SH3RF3: variants seen among roughly 807,000 people sequenced by gnomAD.
SH3RF3 encodes SH3 domain containing ring finger 3.
SH3RF3 carries 29 observed loss-of-function variants against 66.3 expected under a neutral mutation model. That is an observed-to-expected ratio of 0.44 (90% confidence interval 0.33 to 0.60). The LOEUF (loss-of-function observed/expected upper bound fraction) is 0.60, where lower values mean the gene tolerates loss of function less well. Among genes scored for constraint, SH3RF3 ranks in the 20% least tolerant of loss-of-function variants. The pLI is 0.04. For missense variants in SH3RF3, 1,194 were observed against 1,190.9 expected, an observed-to-expected ratio of 1.00 and a Z score of -0.04; for synonymous variants, 583 against 532.0, an observed-to-expected ratio of 1.10 and a Z score of -1.32.
intron 1 of SH3RF3, among the ~76,000 whole-genome samples, chr2:109,131,030 A>G (rs948888367): frequency 6.6e-6 from 1 of 152,192 alleles, no homozygotes; most frequent in Non-Finnish European, 1.5e-5. Context: ...TACATTATCT[A>G]TTGGAATAAT....
intron 1 of SH3RF3, among the ~76,000 whole-genome samples, chr2:109,192,908 T>C (rs932594331): frequency 6.6e-6 from 1 of 152,228 alleles, no homozygotes; most frequent in African/African-American, 2.4e-5. Context: ...TCCAGTGATA[T>C]GCCAGTTACT....
At chr2:109,351,407 G>C (rs1682834551) in intron 2 of SH3RF3, among the ~76,000 whole-genome samples, 1 of 152,236 alleles carries the variant, frequency 6.6e-6, no homozygotes, top group South Asian at 2.1e-4. Flanking sequence ...TAAATAAATT[G>C]TGGAGCCTAG....
chr2:109,487,774 G>A (rs1204434389), intron 8 of SH3RF3, among the ~76,000 whole-genome samples: 2 of 152,150 alleles, frequency 1.3e-5, no homozygotes, highest in East Asian at 3.9e-4. Context: ...CTACTCAGGG[G>A]CCAGAAGGGC....
chr2:109,419,719 G>C (rs1676822291), intron 5 of SH3RF3, 77 bp downstream of exon 5: 1 of 1,378,948 alleles, frequency 7.3e-7, no homozygotes, highest in Admixed American at 2.1e-5. Context: ...GTCCACGTGT[G>C]GTTTCCGCAG....
At chr2:109,498,004 C>T (rs879373900) in intron 9 of SH3RF3, among the ~76,000 whole-genome samples, 10 of 152,126 alleles carry the variant, frequency 6.6e-5, no homozygotes, top group Non-Finnish European at 1.0e-4. Context: ...TGTGGGCCCT[C>T]GCAGCCTCAG....
chr2:109,314,431 T>G (rs960471772), intron 1 of SH3RF3, among the ~76,000 whole-genome samples: 1 of 152,112 alleles, frequency 6.6e-6, no homozygotes, highest in African/African-American at 2.4e-5. Flanking sequence ...GGAGCAGAGA[T>G]AGAGGGTAGG....
At chr2:109,310,896 T>C (rs1681707998) in intron 1 of SH3RF3, among the ~76,000 whole-genome samples, 2 of 50,152 alleles carry the variant, frequency 4.0e-5, no homozygotes, top group Non-Finnish European at 3.1e-5. Context: ...GATTCACAGC[T>C]GAATTCTACC....
At chr2:109,266,478 C>T (rs757585173) in intron 1 of SH3RF3, among the ~76,000 whole-genome samples, 3 of 152,114 alleles carry the variant, frequency 2.0e-5, no homozygotes, top group Non-Finnish European at 2.9e-5. Context: ...GGTCCCAGAA[C>T]GGTATCCTTA....
intron 1 of SH3RF3, among the ~76,000 whole-genome samples, chr2:109,331,030 G>T (rs569909551): frequency 1.3e-5 from 2 of 152,338 alleles, no homozygotes; most frequent in African/African-American, 4.8e-5. Context: ...TGGAGTTACT[G>T]TAGTATCTGT....
At position 109,502,753 on chromosome 2, in the gene SH3RF3, C is replaced by G. The variant is rs1453198194; in HGVS notation, c.*1082C>G. 1 of 152,224 alleles carries G rather than the reference C, an allele frequency of 6.6e-6. No individual in the cohort carries two copies. The highest frequency in any genetic ancestry group is 2.4e-5 in the African/African-American group (1 of 41,450). The allele number at this position is 152,224 out of a possible 1,614,324, so 9.4% of individuals were successfully genotyped here. A position where few individuals can be genotyped will look rare whatever the true frequency, so the allele number is the denominator to read the frequency against. On this transcript the variant is annotated 3_prime_UTR_variant, in exon 10 of 10. Transcript: ENST00000309415. Reference sequence around the variant, plus strand: ...GGTAGAAGGAGCACGCAGGTCAACCCCAGCCGGGAAGGCAAAATCTTCCCT... The same window carrying G: ...GGTAGAAGGAGCACGCAGGTCAACCGCAGCCGGGAAGGCAAAATCTTCCCT...
intron 8 of SH3RF3, among the ~76,000 whole-genome samples, chr2:109,487,398 T>C (rs1046238705): frequency 2.6e-5 from 4 of 152,144 alleles, no homozygotes; most frequent in African/African-American, 9.7e-5. Context: ...AGCATGACGA[T>C]TGTTAGTACT....
Position 109,336,459 on chromosome 2 carries a change from C to A in SH3RF3, c.574-11215C>A, listed in dbSNP as rs368460403. On this transcript the variant is annotated intron_variant, in intron 1 of 9. Transcript: ENST00000309415. The stretch of plus-strand genomic sequence containing the variant: ...CACCAATAAGTTTCTCCCTTGGGTA[C>A]AAAGAAATGTCCTGGTGTGCCCACG... Among the ~76,000 whole-genome samples, 18 of 152,330 alleles carry A rather than the reference C, an allele frequency of 1.2e-4. No individual in the cohort carries two copies. In the East Asian group the frequency reaches 3.5e-3, roughly 29 times the overall value.
intron 1 of SH3RF3, among the ~76,000 whole-genome samples, chr2:109,287,303 T>G (rs375131971): frequency 9.4e-4 from 143 of 152,334 alleles, no homozygotes; most frequent in African/African-American, 3.3e-3. Context: ...GGATTCCTGA[T>G]GCCCTGGTGG....
chr2:109,220,616 A>G (rs1349895426), intron 1 of SH3RF3, among the ~76,000 whole-genome samples: 2 of 152,240 alleles, frequency 1.3e-5, no homozygotes, highest in African/African-American at 4.8e-5. Context: ...CAAGGTTTTC[A>G]GTAAACATTT....
At chr2:109,475,760 C>T (rs13411278) in intron 8 of SH3RF3, among the ~76,000 whole-genome samples, 18,724 of 152,248 alleles carry the variant, frequency 0.12, 2,788 homozygotes, top group African/African-American at 0.36. Flanking sequence ...AATGGCTCCT[C>T]GGGGGCAGAA....
chr2:109,494,303 T>G (rs372623560), intron 9 of SH3RF3, among the ~76,000 whole-genome samples: 31 of 152,216 alleles, frequency 2.0e-4, no homozygotes, highest in African/African-American at 7.5e-4. Context: ...TGGTGGCTCC[T>G]TGCACCCAAG....
Position 109,501,245 on chromosome 2 carries a change from G to C in SH3RF3, c.2481-258G>C, listed in dbSNP as rs570656301. Among the ~76,000 whole-genome samples the C allele has an allele frequency of 3.3e-5, 5 of 152,306 alleles. No homozygotes were observed. In the East Asian group the frequency reaches 9.7e-4, roughly 29 times the overall value. On this transcript the variant is annotated intron_variant, in intron 9 of 9. Transcript: ENST00000309415. ...CTGTGCTTGGGTGGAGAATCTTCAA[G>C]GGAGTGAAACAGTCCAGCTTCTTCG...
At chr2:109,363,121 T>C (rs945885392) in intron 2 of SH3RF3, among the ~76,000 whole-genome samples, 3 of 152,160 alleles carry the variant, frequency 2.0e-5, no homozygotes, top group Admixed American at 2.0e-4. Flanking sequence ...TTGTTGCCCT[T>C]GTTTTTTGTT....
intron 4 of SH3RF3, among the ~76,000 whole-genome samples, chr2:109,416,904 C>CAAAA (rs59855463): frequency 7.8e-5 from 5 of 64,392 alleles, no homozygotes; most frequent in South Asian, 1.0e-3. Context: ...GACTTCATCT[C>CAAAA]AAAAAAAAAA....
Sources: gnomAD v4.1 joint callset for allele counts (sites outside exome capture counted in the v4.1 genomes callset) on GRCh38, gnomAD v4.1.1 for gene constraint, MANE v1.5 for transcripts, NCBI Gene and HGNC (gene_info 2026-07-23, HGNC 2026-07-21) for gene names.